Variants in FNIP1 observed in about 807,000 individuals in gnomAD.
FNIP1 encodes the protein folliculin interacting protein 1.
Under a neutral mutation model 124.5 loss-of-function variants are expected in FNIP1, and 40 were observed. That is an observed-to-expected ratio of 0.32 (90% CI 0.25 to 0.42). The LOEUF (loss-of-function observed/expected upper bound fraction) is 0.42. FNIP1 is among the 10% of genes least tolerant of loss of function. FNIP1 has a pLI of 1.00. For missense variants in FNIP1, 1,176 were observed against 1,403.7 expected (o/e 0.84, Z 2.59); for synonymous variants, 472 against 470.6 (o/e 1.00, Z -0.04).
intron 1 of FNIP1, among the ~76,000 whole-genome samples, chr5:131,794,603 G>T (rs186549239): frequency 1.3e-5 from 2 of 152,162 alleles, no homozygotes; most frequent in African/African-American, 4.8e-5. Flanking sequence ...ACAAATCATG[G>T]TATAGCCATA....
chr5:131,646,030 T>C (rs1766870039), intron 17 of FNIP1, among the ~76,000 whole-genome samples: 1 of 152,194 alleles, frequency 6.6e-6, no homozygotes, highest in African/African-American at 2.4e-5. Flanking sequence ...TTTGGTTACA[T>C]TTATGTTACT....
intron 11 of FNIP1, among the ~76,000 whole-genome samples, chr5:131,680,884 T>C: frequency 6.6e-6 from 1 of 151,696 alleles, no homozygotes; most frequent in Non-Finnish European, 1.5e-5. Flanking sequence ...AGTAGCAGAG[T>C]AGAGAAAGTT....
intron 1 of FNIP1, among the ~76,000 whole-genome samples, chr5:131,788,976 G>A (rs1019769837): frequency 1.3e-5 from 2 of 151,946 alleles, no homozygotes; most frequent in South Asian, 2.1e-4. Flanking sequence ...TCATATTTAC[G>A]GCAACAGTAT....
chr5:131,708,104 C>A (rs1278159595), intron 8 of FNIP1, among the ~76,000 whole-genome samples: 1 of 152,140 alleles, frequency 6.6e-6, no homozygotes, highest in Non-Finnish European at 1.5e-5. Flanking sequence ...CCATTAGAAT[C>A]AAGTGTTAGG....
chr5:131,792,971 A>T (rs987680561), intron 1 of FNIP1, among the ~76,000 whole-genome samples: 20 of 152,242 alleles, frequency 1.3e-4, no homozygotes, highest in African/African-American at 4.8e-4. Flanking sequence ...TATGCCCTAC[A>T]AACATTTCAC....
At chr5:131,728,156 T>C (rs1335652685) in intron 3 of FNIP1, among the ~76,000 whole-genome samples, 1 of 152,176 alleles carries the variant, frequency 6.6e-6, no homozygotes, top group Non-Finnish European at 1.5e-5. Flanking sequence ...TTATGTGTCT[T>C]GGGGTTGCTC....
chr5:131,661,649 G>C (rs1279750228), intron 15 of FNIP1, among the ~76,000 whole-genome samples: 4 of 152,146 alleles, frequency 2.6e-5, no homozygotes, highest in South Asian at 2.1e-4. Flanking sequence ...TTACAAAGTT[G>C]AGAGGTTTTT....
chr5:131,704,366 G>T (rs1580770064), intron 9 of FNIP1, 100 bp from the exon 10 acceptor site: 24 of 986,046 alleles, frequency 2.4e-5, no homozygotes, highest in Non-Finnish European at 3.4e-5. Context: ...GTCTTTTGCT[G>T]TTTTATCAAA....
intron 1 of FNIP1, among the ~76,000 whole-genome samples, chr5:131,777,516 C>A (rs186855437): frequency 7.9e-5 from 12 of 152,100 alleles, no homozygotes; most frequent in Admixed American, 4.6e-4. Flanking sequence ...GGGTCCCAAC[C>A]AGCCAAAGAT....
intron 1 of FNIP1, among the ~76,000 whole-genome samples, chr5:131,776,086 T>C (rs1283149870): frequency 6.6e-6 from 1 of 152,234 alleles, no homozygotes; most frequent in Non-Finnish European, 1.5e-5. Flanking sequence ...TGTGAGTTCC[T>C]TGGCAGCATC....
Position 131,728,463 on chromosome 5 carries a change from T to C in FNIP1, c.354+2441A>G, listed in dbSNP as rs575494778. On this transcript the variant is annotated intron_variant, in intron 3 of 17. Transcript: ENST00000510461. ...CTCTGATATCCTTTCTTCCGCTTGA[T>C]TGATTCAGCTATTGATGGCTTGCGT... 2.0e-4 allele frequency among the ~76,000 whole-genome samples: 30 copies of C among 152,228 alleles called. 1 individual carries two copies. In the Middle Eastern group the frequency reaches 0.014, roughly 69 times the overall value.
chr5:131,657,168 TC>T (rs2149507453), intron 15 of FNIP1, among the ~76,000 whole-genome samples: 1 of 151,992 alleles, frequency 6.6e-6, no homozygotes, highest in Admixed American at 6.5e-5. Flanking sequence ...CATGCCTGGC[TC>T]ATTTGTGTAT....
chr5:131,750,449 A>G (rs1770833200), intron 1 of FNIP1, among the ~76,000 whole-genome samples: 1 of 152,116 alleles, frequency 6.6e-6, no homozygotes, highest in Non-Finnish European at 1.5e-5. Flanking sequence ...TGTGCCAAGC[A>G]GTGGTTAGGG....
chr5:131,723,821 T>C (rs900044432), intron 3 of FNIP1, among the ~76,000 whole-genome samples: 2 of 152,148 alleles, frequency 1.3e-5, no homozygotes, highest in African/African-American at 2.4e-5. Flanking sequence ...CAACCTGTCA[T>C]CTACATTAGG....
chr5:131,720,275 T>C lies in FNIP1; in HGVS notation c.355-858A>G, dbSNP rs1323705870. Among the ~76,000 whole-genome samples, 4 of 152,170 alleles carry C rather than the reference T, an allele frequency of 2.6e-5. No individual in the cohort carries two copies. The East Asian group carries it at 5.8e-4, about 22-fold the overall frequency. ...CAGGATAGTCTCCTTAACAAATGCT[T>C]CTTGGAAAACTGGATATCCACATGC... On this transcript the variant is annotated intron_variant, in intron 3 of 17. Coordinates refer to ENST00000510461, the MANE Select transcript of FNIP1 (RefSeq NM_133372.3).
intron 1 of FNIP1, among the ~76,000 whole-genome samples, chr5:131,766,922 T>C (rs1237904815): frequency 2.0e-5 from 3 of 152,110 alleles, no homozygotes; most frequent in Non-Finnish European, 2.9e-5. Flanking sequence ...GGATGGTGCC[T>C]ATCTATGTTG....
At chr5:131,768,500 T>C (rs980682899) in intron 1 of FNIP1, among the ~76,000 whole-genome samples, 1 of 151,318 alleles carries the variant, frequency 6.6e-6, no homozygotes, top group African/African-American at 2.4e-5. Flanking sequence ...GGAACTTGTA[T>C]AATGTGACTT....
chr5:131,722,608 G>A (rs1044054282), intron 3 of FNIP1, among the ~76,000 whole-genome samples: 10 of 152,014 alleles, frequency 6.6e-5, no homozygotes, highest in African/African-American at 2.4e-4. Context: ...GATAATCCAC[G>A]TTTAAATATT....
At chr5:131,788,309 C>T (rs901767518) in intron 1 of FNIP1, among the ~76,000 whole-genome samples, 1 of 152,006 alleles carries the variant, frequency 6.6e-6, no homozygotes, top group Non-Finnish European at 1.5e-5. Context: ...TTATGTTTTA[C>T]ATGGGAAGTT....
Sources: gnomAD v4.1 joint callset for allele counts (sites outside exome capture counted in the v4.1 genomes callset) on GRCh38, gnomAD v4.1.1 for gene constraint, MANE v1.5 for transcripts, NCBI Gene and HGNC (gene_info 2026-07-23, HGNC 2026-07-21) for gene names.